Variants in SIK3 observed in about 807,000 individuals in gnomAD.
SIK3 encodes serine/threonine-protein kinase SIK3.
In SIK3, 28 loss-of-function variants were observed where a neutral mutation model predicts 144.2. The observed-to-expected ratio is 0.19, with a 90% confidence interval of 0.14 to 0.27. The LOEUF (loss-of-function observed/expected upper bound fraction) is 0.27. Ranked by LOEUF, SIK3 falls within the 10% of genes least tolerant of loss-of-function variation. The pLI is 1.00. For synonymous variants in SIK3, 686 were observed against 676.3 expected, an observed-to-expected ratio of 1.01 and a Z score of -0.22; for missense variants, 1,319 against 1,776.0, an observed-to-expected ratio of 0.74 and a Z score of 4.62.
At chr11:116,854,338 G>T (rs934154360) in intron 21 of SIK3, among the ~76,000 whole-genome samples, 3 of 152,212 alleles carry the variant, frequency 2.0e-5, no homozygotes, top group African/African-American at 7.2e-5. Flanking sequence ...CTCTAGCCTA[G>T]GTGACAGAGC....
chr11:116,852,405 G>A (rs1443360634), intron 21 of SIK3, among the ~76,000 whole-genome samples: 3 of 152,196 alleles, frequency 2.0e-5, no homozygotes, highest in Non-Finnish European at 4.4e-5. Context: ...CCAGCCCAGA[G>A]CTCATCCCTC....
chr11:116,947,961 G>C (rs1948756761), intron 3 of SIK3, among the ~76,000 whole-genome samples: 1 of 148,998 alleles, frequency 6.7e-6, no homozygotes, highest in African/African-American at 2.5e-5. Context: ...TTGAGACAGG[G>C]TCTCACTCTG....
rs149307133 is a variant in SIK3 at position 117,002,330 on chromosome 11, T to G, written c.274-45266A>C. On this transcript the variant is annotated intron_variant, in intron 1 of 24. Coordinates refer to ENST00000445177, the MANE Select transcript of SIK3 (RefSeq NM_001366686.3). ...TTTTTAGCTCATCAGCTATTGTTAGTGTTAGTGTATTTTTATATGTGGCCC... is the reference window on the plus strand; with the variant it reads ...TTTTTAGCTCATCAGCTATTGTTAGGGTTAGTGTATTTTTATATGTGGCCC... 4.5e-3 allele frequency among the ~76,000 whole-genome samples: 679 copies of G among 152,162 alleles called. 8 individuals are homozygous for G. Among genetic ancestry groups the G allele is most frequent in the Non-Finnish European group, 3.2e-3 (219 of 67,990 alleles).
intron 1 of SIK3, among the ~76,000 whole-genome samples, chr11:116,980,229 G>C (rs1012496736): frequency 2.6e-5 from 4 of 152,140 alleles, no homozygotes; most frequent in African/African-American, 9.7e-5. Context: ...TCAGAACACT[G>C]ATGTTAGCCT....
chr11:117,034,186 G>T (rs998767307), intron 1 of SIK3, among the ~76,000 whole-genome samples: 1 of 152,084 alleles, frequency 6.6e-6, no homozygotes, highest in African/African-American at 2.4e-5. Context: ...AGAACATGAA[G>T]AACTAGTATA....
intron 6 of SIK3, among the ~76,000 whole-genome samples, chr11:116,888,749 G>C (rs1416792856): frequency 6.6e-6 from 1 of 152,136 alleles, no homozygotes; most frequent in Non-Finnish European, 1.5e-5. Context: ...TATTTAACTG[G>C]GATTAAAGAG....
intron 3 of SIK3, among the ~76,000 whole-genome samples, chr11:116,947,229 T>TATTTA (rs1948687196): frequency 1.2e-5 from 1 of 81,620 alleles, no homozygotes; most frequent in East Asian, 3.5e-4. Flanking sequence ...ATATAATTAT[T>TATTTA]TATATATTTT....
intron 11 of SIK3, among the ~76,000 whole-genome samples, chr11:116,874,810 A>G (rs1014402731): frequency 2.0e-5 from 3 of 152,198 alleles, no homozygotes; most frequent in African/African-American, 7.2e-5. Flanking sequence ...AAAATCCAGA[A>G]AAGAGGTAAG....
intron 16 of SIK3, among the ~76,000 whole-genome samples, chr11:116,863,067 T>C (rs1180125415): frequency 7.0e-6 from 1 of 142,318 alleles, no homozygotes; most frequent in Admixed American, 7.1e-5. Context: ...GAGCAAGACT[T>C]GGTCTCAAAA....
intron 1 of SIK3, among the ~76,000 whole-genome samples, chr11:117,016,790 G>A (rs1217352883): frequency 2.6e-5 from 4 of 152,194 alleles, no homozygotes; most frequent in African/African-American, 4.8e-5. Flanking sequence ...TTAACTGTAC[G>A]TCAATAAAGC....
At chr11:116,883,713 C>A (rs1944665904) in intron 6 of SIK3, among the ~76,000 whole-genome samples, 1 of 152,196 alleles carries the variant, frequency 6.6e-6, no homozygotes, top group Non-Finnish European at 1.5e-5. Flanking sequence ...ACAGGCAGAT[C>A]ACTTGAGGCC....
intron 1 of SIK3, among the ~76,000 whole-genome samples, chr11:117,027,760 C>T (rs994703177): frequency 1.3e-5 from 2 of 152,250 alleles, no homozygotes; most frequent in Middle Eastern, 6.8e-3. Flanking sequence ...AGCCACTGTG[C>T]CCGGCCCAGG....
chr11:117,090,511 G>C (rs114842424), intron 1 of SIK3, among the ~76,000 whole-genome samples: 1 of 152,172 alleles, frequency 6.6e-6, no homozygotes, highest in African/African-American at 2.4e-5. Flanking sequence ...TCCCTGGAAA[G>C]TGTTAGTCAT....
chr11:117,039,902 C>G (rs915954411), intron 1 of SIK3, among the ~76,000 whole-genome samples: 30 of 152,184 alleles, frequency 2.0e-4, no homozygotes, highest in Non-Finnish European at 3.8e-4. Context: ...AAAGCCTGGA[C>G]TCACCACTAT....
intron 1 of SIK3, among the ~76,000 whole-genome samples, chr11:117,012,710 G>C (rs1346360398): frequency 6.6e-6 from 1 of 151,890 alleles, no homozygotes. Flanking sequence ...AAGGTTCTCT[G>C]TCCATCCTCA....
intron 1 of SIK3, among the ~76,000 whole-genome samples, chr11:117,050,721 T>C (rs1953200183): frequency 6.6e-6 from 1 of 151,836 alleles, no homozygotes; most frequent in South Asian, 2.1e-4. Context: ...AATAAACAGA[T>C]AAATAAATAA....
intron 1 of SIK3, 82 bp downstream of exon 1, chr11:117,098,061 C>T: frequency 1.7e-6 from 2 of 1,193,628 alleles, no homozygotes; most frequent in Non-Finnish European, 2.1e-6. Flanking sequence ...CCGCGCTCGC[C>T]GCCCCGACCC....
At chr11:117,091,760 AAC>A (rs1410978421) in intron 1 of SIK3, among the ~76,000 whole-genome samples, 1 of 152,184 alleles carries the variant, frequency 6.6e-6, no homozygotes, top group Non-Finnish European at 1.5e-5. Context: ...ACCATAAAAT[AAC>A]CAGCATGAGT....
chr11:117,013,536 T>A (rs1393235778), intron 1 of SIK3, among the ~76,000 whole-genome samples: 1 of 152,086 alleles, frequency 6.6e-6, no homozygotes. Flanking sequence ...ACGAAGTGTA[T>A]TTTTTTGAAA....
Sources: gnomAD v4.1 joint callset for allele counts (sites outside exome capture counted in the v4.1 genomes callset) on GRCh38, gnomAD v4.1.1 for gene constraint, MANE v1.5 for transcripts, NCBI Gene and HGNC (gene_info 2026-07-23, HGNC 2026-07-21) for gene names.